ADK: variants seen among roughly 807,000 people sequenced by gnomAD.
ADK encodes adenosine kinase, also known as N6,N6-dimethyladenosine kinase.
In ADK, 24 loss-of-function variants were observed where a neutral mutation model predicts 44.7. That is an observed-to-expected ratio of 0.54 (90% CI 0.39 to 0.76). The LOEUF (loss-of-function observed/expected upper bound fraction) is 0.76, where lower values mean the gene tolerates loss of function less well. Ranked by LOEUF, ADK falls within the 30% of genes least tolerant of loss-of-function variation. The pLI, the probability that ADK is intolerant of heterozygous loss-of-function variation, is 0.00. For synonymous variants in ADK, 128 were observed against 142.6 expected, an observed-to-expected ratio of 0.90 and a Z score of 0.73; for missense variants, 321 against 425.1, an observed-to-expected ratio of 0.76 and a Z score of 2.15.
intron 7 of ADK, among the ~76,000 whole-genome samples, chr10:74,570,798 G>T (rs1405976387): frequency 6.6e-6 from 1 of 152,002 alleles, no homozygotes; most frequent in Non-Finnish European, 1.5e-5. Context: ...CTGCCTGATT[G>T]CCCTGGCCAG....
intron 3 of ADK, among the ~76,000 whole-genome samples, chr10:74,259,651 G>C (rs369165336): frequency 4.0e-5 from 6 of 151,588 alleles, no homozygotes; most frequent in African/African-American, 1.5e-4. Flanking sequence ...TAGAGACGGG[G>C]TTTCACCATG....
intron 4 of ADK, among the ~76,000 whole-genome samples, chr10:74,392,919 T>A (rs1449036098): frequency 1.3e-5 from 2 of 152,136 alleles, no homozygotes; most frequent in Admixed American, 6.6e-5. Context: ...GGCTGTGTGG[T>A]ATTCCATTGT....
chr10:74,154,216 CAT>C (rs1341072710), intron 1 of ADK, among the ~76,000 whole-genome samples: 1 of 152,096 alleles, frequency 6.6e-6, no homozygotes, highest in Non-Finnish European at 1.5e-5. Flanking sequence ...GACACTCTCA[CAT>C]GTGTCCTTTC....
chr10:74,384,979 C>A (rs1445050931), intron 4 of ADK, among the ~76,000 whole-genome samples: 1 of 152,052 alleles, frequency 6.6e-6, no homozygotes, highest in African/African-American at 2.4e-5. Context: ...GAACTAAAGG[C>A]AGGGAGATGA....
In ADK at chr10:74,173,922, G is replaced by A. The variant is rs150454129; in HGVS notation, c.65+22579G>A. Among the ~76,000 whole-genome samples, 167 of 152,204 alleles carry A rather than the reference G, an allele frequency of 1.1e-3. 4 individuals are homozygous for A. In the East Asian group the frequency reaches 0.031, roughly 29 times the overall value. On this transcript the variant is annotated intron_variant, in intron 1 of 10. Transcript: ENST00000539909. ...ATGCCATGTGCCAAGGATTCTATTA[G>A]ACTCTTTACTATAGTTAATTAAATT...
intron 3 of ADK, among the ~76,000 whole-genome samples, chr10:74,230,325 T>G (rs1844710853): frequency 6.6e-6 from 1 of 152,094 alleles, no homozygotes; most frequent in East Asian, 1.9e-4. Flanking sequence ...ATCCGTATTT[T>G]ATCATGAATA....
At position 74,369,201 on chromosome 10, in the gene ADK, C is replaced by T. The variant is rs145205890; in HGVS notation, c.274-24940C>T. Among the ~76,000 whole-genome samples the T allele has an allele frequency of 1.4e-3, 220 of 152,076 alleles. 1 individual carries two copies. The highest frequency in any genetic ancestry group is 5.2e-3 in the African/African-American group (214 of 41,498). ...GCAAATTTTATTTCTACAAAAATTA[C>T]AAATATTAGCCAGGTGTGGTGGTGC... On this transcript the variant is annotated intron_variant, in intron 4 of 10. Transcript: ENST00000539909.
chr10:74,367,320 G>A (rs1434129678), intron 4 of ADK, among the ~76,000 whole-genome samples: 1 of 152,156 alleles, frequency 6.6e-6, no homozygotes, highest in Admixed American at 6.5e-5. Context: ...AGTCTTTAAA[G>A]CTGGCACTTT....
intron 3 of ADK, among the ~76,000 whole-genome samples, chr10:74,302,311 G>T (rs1840086506): frequency 6.7e-6 from 1 of 150,324 alleles, no homozygotes; most frequent in African/African-American, 2.4e-5. Context: ...TAGTAGAGAT[G>T]GGGTTTCACC....
intron 1 of ADK, among the ~76,000 whole-genome samples, chr10:74,186,811 T>G (rs1030328502): frequency 1.3e-5 from 2 of 152,220 alleles, no homozygotes; most frequent in South Asian, 4.1e-4. Flanking sequence ...GTTTTTCCCT[T>G]TTATTGTGAA....
rs562557329 is a variant in ADK at position 74,535,661 on chromosome 10, C to A, written c.726+10235C>A. Among the ~76,000 whole-genome samples the A allele has an allele frequency of 1.7e-3, 262 of 149,956 alleles. 1 individual carries two copies. The highest frequency in any genetic ancestry group is 0.01 in the Middle Eastern group (3 of 288). The stretch of plus-strand genomic sequence containing the variant: ...GCAGTGGCACCATCACAGCTCACTG[C>A]AACCTCCACTTCCCAGGTTCAAGCA... On this transcript the variant is annotated intron_variant, in intron 7 of 10. Transcript: ENST00000539909.
chr10:74,205,999 CAG>C (rs1019535565), intron 2 of ADK, among the ~76,000 whole-genome samples: 5 of 152,034 alleles, frequency 3.3e-5, no homozygotes, highest in African/African-American at 1.2e-4. Flanking sequence ...CTGTAATAAA[CAG>C]AAAATAAAAT....
intron 1 of ADK, among the ~76,000 whole-genome samples, chr10:74,183,593 C>T (rs564006628): frequency 6.6e-6 from 1 of 152,118 alleles, no homozygotes; most frequent in East Asian, 1.9e-4. Flanking sequence ...TCACCGCAAC[C>T]TCCACTTCCC....
chr10:74,688,367 T>C (rs1855866679), intron 10 of ADK, among the ~76,000 whole-genome samples: 1 of 152,218 alleles, frequency 6.6e-6, no homozygotes, highest in Non-Finnish European at 1.5e-5. Context: ...GAACTGTAAG[T>C]GTCTTATTTA....
intron 2 of ADK, among the ~76,000 whole-genome samples, chr10:74,215,899 G>A (rs1286553492): frequency 1.3e-5 from 2 of 151,554 alleles, no homozygotes; most frequent in Admixed American, 6.6e-5. Flanking sequence ...CTTGTGATCC[G>A]CCCGTCTCGG....
At chr10:74,397,144 C>G (rs1843546686) in intron 5 of ADK, among the ~76,000 whole-genome samples, 1 of 151,776 alleles carries the variant, frequency 6.6e-6, no homozygotes, top group African/African-American at 2.4e-5. Context: ...TAAATTAGGT[C>G]TAAATTTTCT....
intron 1 of ADK, among the ~76,000 whole-genome samples, chr10:74,170,349 A>T (rs1842125946): frequency 6.6e-6 from 1 of 152,178 alleles, no homozygotes; most frequent in Non-Finnish European, 1.5e-5. Flanking sequence ...AAAAAATGAA[A>T]CATTTATAAA....
Position 74,474,618 on chromosome 10 carries a change from G to A in ADK, c.556-50638G>A, listed in dbSNP as rs183907523. Among the ~76,000 whole-genome samples, 325 of 149,852 alleles carry A rather than the reference G, an allele frequency of 2.2e-3. 1 individual carries two copies. Among genetic ancestry groups the A allele is most frequent in the Middle Eastern group, 6.8e-3 (2 of 292 alleles). On this transcript the variant is annotated intron_variant, in intron 6 of 10. Coordinates refer to ENST00000539909, the MANE Select transcript of ADK (RefSeq NM_006721.4). ...GAGTGCAGTGGCGAGATCATGGCTC[G>A]CTGAAACCTCAGCATCCTGGGCTTA...
At position 74,377,940 on chromosome 10, in the gene ADK, T is replaced by A. The variant is rs909745215; in HGVS notation, c.274-16201T>A. Among the ~76,000 whole-genome samples the A allele has an allele frequency of 3.3e-5, 5 of 152,256 alleles. No individual in the cohort carries two copies. In the South Asian group the frequency reaches 1.0e-3, roughly 32 times the overall value. ...TTTATCTCACAAATATCTAATAAAA[T>A]TTTTGGGTGATCCTCTTCAGTGACT... is the stretch of plus-strand genomic sequence containing the variant. On this transcript the variant is annotated intron_variant, in intron 4 of 10. Transcript: ENST00000539909.
Sources: gnomAD v4.1 joint callset for allele counts (sites outside exome capture counted in the v4.1 genomes callset) on GRCh38, gnomAD v4.1.1 for gene constraint, MANE v1.5 for transcripts, NCBI Gene and HGNC (gene_info 2026-07-23, HGNC 2026-07-21) for gene names.